The following DUSP16 variants were observed in gnomAD, a reference collection of about 807,000 sequenced individuals.
DUSP16 encodes dual specificity protein phosphatase 16.
A neutral mutation model predicts 58.3 loss-of-function variants in DUSP16; 21 were observed. That is an observed-to-expected ratio of 0.36 (90% CI 0.26 to 0.52). The LOEUF is 0.52. Among genes scored for constraint, DUSP16 ranks in the 20% least tolerant of loss-of-function variants. The pLI, the probability that DUSP16 is intolerant of heterozygous loss-of-function variation, is 0.94. For synonymous variants in DUSP16, 320 were observed against 323.8 expected (o/e 0.99, Z 0.12); for missense variants, 726 against 819.0 (o/e 0.89, Z 1.39).
chr12:12,540,956 T>C (rs1189583064), intron 1 of DUSP16, among the ~76,000 whole-genome samples: 1 of 101,712 alleles, frequency 9.8e-6, no homozygotes, highest in Non-Finnish European at 2.3e-5. Flanking sequence ...TTTCTTTTTT[T>C]TTTTTTTTTT....
intron 1 of DUSP16, among the ~76,000 whole-genome samples, chr12:12,542,104 C>T (rs1266039862): frequency 6.6e-6 from 1 of 152,102 alleles, no homozygotes; most frequent in Non-Finnish European, 1.5e-5. Context: ...AGGCTGGGTG[C>T]CGTGGCTCAC....
At chr12:12,541,112 T>C (rs941291164) in intron 1 of DUSP16, among the ~76,000 whole-genome samples, 2 of 151,800 alleles carry the variant, frequency 1.3e-5, no homozygotes, top group Non-Finnish European at 2.9e-5. Flanking sequence ...GTGCACACCA[T>C]CACGCCTGGC....
At chr12:12,522,268 G>A (rs1014525751) in intron 1 of DUSP16, among the ~76,000 whole-genome samples, 2 of 152,078 alleles carry the variant, frequency 1.3e-5, no homozygotes, top group Non-Finnish European at 2.9e-5. Context: ...TCATTCTTCA[G>A]AGAATCACTA....
chr12:12,527,165 A>T (rs1201989663), intron 1 of DUSP16, among the ~76,000 whole-genome samples: 2 of 152,228 alleles, frequency 1.3e-5, no homozygotes, highest in Admixed American at 6.5e-5. Context: ...TACTTTTATT[A>T]AACTACAAGC....
chr12:12,478,096 G>A (rs942221840), intron 6 of DUSP16, 81 bp from the exon 7 acceptor site: 6 of 1,246,364 alleles, frequency 4.8e-6, no homozygotes, highest in African/African-American at 3.0e-5. Context: ...AAATGAGATA[G>A]GGAATTATCA....
At chr12:12,505,509 T>C (rs1473503076) in intron 3 of DUSP16, among the ~76,000 whole-genome samples, 2 of 152,244 alleles carry the variant, frequency 1.3e-5, no homozygotes, top group African/African-American at 4.8e-5. Flanking sequence ...TGGTCACTGG[T>C]TTGTTCATGA....
chr12:12,512,716 T>C (rs924425615), intron 3 of DUSP16, among the ~76,000 whole-genome samples: 8 of 152,140 alleles, frequency 5.3e-5, no homozygotes, highest in African/African-American at 1.9e-4. Flanking sequence ...CTATTTTTAG[T>C]CTGTTTTCAG....
chr12:12,487,091 G>A lies in DUSP16; in HGVS notation c.628C>T (p.Pro210Ser). The A allele has an allele frequency of 6.2e-7, 1 of 1,614,132 alleles. No individual in the cohort carries two copies. The highest frequency in any genetic ancestry group is 8.5e-7 in the Non-Finnish European group (1 of 1,180,008). Residue 210 changes from proline (P) to serine (S), a missense_variant, in exon 5 of 7, where the codon CCT becomes TCT. By Grantham distance (74) the Pro-to-Ser change is moderately conservative. Coordinates refer to ENST00000298573, the MANE Select transcript of DUSP16 (RefSeq NM_030640.3). ...TTCTCACAAAAGCTGTCATTCACAG[G>A]CACACGCAGGAAATGAGACTCGGGG... Reference protein sequence around the residue: ...FIPESHFLRVPVNDSFCEKIL... With the variant: ...FIPESHFLRVSVNDSFCEKIL...
rs1031798303 is a variant in DUSP16 at position 12,562,784 on chromosome 12, C to T, written c.-1033G>A. Among the ~76,000 whole-genome samples the T allele has an allele frequency of 1.3e-5, 2 of 151,428 alleles. No individual in the cohort carries two copies. Among genetic ancestry groups the T allele is most frequent in the African/African-American group, 4.8e-5 (2 of 41,336 alleles). ...CTCGCCCATCCCGCGGCCGCCCGAG[C>T]CCGGAGCGCGGCTCCGCGCCTCGTT... is the stretch of plus-strand genomic sequence containing the variant. On this transcript the variant is annotated 5_prime_UTR_variant, in exon 1 of 7. Transcript: ENST00000298573.
rs757870510 is a variant in DUSP16, at chr12:12,476,774, G to T, written c.*59C>A. Reference sequence around the variant, plus strand: ...CATATATATATTTCAGATTTACAGGGAATTTTTTTGTGAACAAGAAAAAAA... The same window carrying T: ...CATATATATATTTCAGATTTACAGGTAATTTTTTTGTGAACAAGAAAAAAA... On this transcript the variant is annotated 3_prime_UTR_variant, in exon 7 of 7. Transcript: ENST00000298573. The T allele has an allele frequency of 8.9e-6, 13 of 1,458,898 alleles. No individual in the cohort carries two copies. The highest frequency in any genetic ancestry group is 1.2e-5 in the Non-Finnish European group (13 of 1,091,686). The allele number at this position is 1,458,898 out of a possible 1,614,324, so 90.4% of individuals were successfully genotyped here.
At chr12:12,532,066 G>A (rs1408621099) in intron 1 of DUSP16, among the ~76,000 whole-genome samples, 1 of 152,118 alleles carries the variant, frequency 6.6e-6, no homozygotes, top group Non-Finnish European at 1.5e-5. Flanking sequence ...GCTGAGGCAG[G>A]AGAATGGCGT....
chr12:12,555,326 G>A (rs557560758), intron 1 of DUSP16, among the ~76,000 whole-genome samples: 1 of 152,202 alleles, frequency 6.6e-6, no homozygotes, highest in Non-Finnish European at 1.5e-5. Context: ...CTTGCAAACT[G>A]CAACTCAAAG....
intron 1 of DUSP16, among the ~76,000 whole-genome samples, chr12:12,522,386 C>T (rs1458292824): frequency 6.6e-6 from 1 of 152,194 alleles, no homozygotes; most frequent in Non-Finnish European, 1.5e-5. Flanking sequence ...TCTTGCCAAA[C>T]TCCTTTAATC....
At chr12:12,493,587 G>A (rs12819116) in intron 4 of DUSP16, among the ~76,000 whole-genome samples, 46,022 of 151,952 alleles carry the variant, frequency 0.3, 7,577 homozygotes, top group Non-Finnish European at 0.35. Context: ...ATCTGCTCCT[G>A]TTACCTCTCT....
intron 4 of DUSP16, among the ~76,000 whole-genome samples, chr12:12,497,137 G>A (rs1024983601): frequency 1.9e-4 from 29 of 152,170 alleles, no homozygotes; most frequent in African/African-American, 7.0e-4. Context: ...TATACTGATT[G>A]CATGTTGAAA....
rs572843872 is a variant in DUSP16, at chr12:12,505,862, A to G, written c.368-5180T>C. On this transcript the variant is annotated intron_variant, in intron 3 of 6. Coordinates refer to ENST00000298573, the MANE Select transcript of DUSP16 (RefSeq NM_030640.3). ...CTTTTTCACAAATCTTTCTCAACTG[A>G]TATCTAGAACAAACTCAAACAAATA... Among the ~76,000 whole-genome samples the G allele has an allele frequency of 2.6e-5, 4 of 152,366 alleles. No individual in the cohort carries two copies. The South Asian group carries it at 6.2e-4, about 24-fold the overall frequency.
rs531947459 is a variant in DUSP16, at chr12:12,514,467, TTTAGTC to T, written c.367+5389_367+5394del. Among the ~76,000 whole-genome samples, 24 of 152,364 alleles carry T rather than the reference TTTAGTC, an allele frequency of 1.6e-4. No homozygotes were observed. In the South Asian group the frequency reaches 3.3e-3, roughly 21 times the overall value. On this transcript the variant is annotated intron_variant, in intron 3 of 6. Coordinates refer to ENST00000298573, the MANE Select transcript of DUSP16 (RefSeq NM_030640.3). ...TCCTGCTCTTTTCTGATCCTTTTTCTTTAGTCAATATCTAAAGTTTAGCAGTAACAC... is the reference window on the plus strand; with the variant it reads ...TCCTGCTCTTTTCTGATCCTTTTTCTAATATCTAAAGTTTAGCAGTAACAC...
chr12:12,482,646 AGAGAAGGTTT>A (rs999859336), intron 5 of DUSP16, among the ~76,000 whole-genome samples: 1 of 152,206 alleles, frequency 6.6e-6, no homozygotes, highest in African/African-American at 2.4e-5. Flanking sequence ...AAGAAACCAG[AGAGAAGGTTT>A]GAGAAGGTTT....
rs1324985876 is a variant in DUSP16 at position 12,560,507 on chromosome 12, ATT to A, written c.-366+1608_-366+1609del. On this transcript the variant is annotated intron_variant, in intron 1 of 6. Coordinates refer to ENST00000298573, the MANE Select transcript of DUSP16 (RefSeq NM_030640.3). ...AAAAAATTTTAATGCAACTTTCCAC[ATT>A]GTCTTCAAACTCAGTAAATTCCACA... Among the ~76,000 whole-genome samples the A allele has an allele frequency of 2.6e-5, 4 of 152,198 alleles. No individual in the cohort carries two copies. In the East Asian group the frequency reaches 7.7e-4, roughly 29 times the overall value.
Sources: allele counts gnomAD v4.1 joint callset (sites outside exome capture counted in the v4.1 genomes callset), GRCh38; gene constraint gnomAD v4.1.1; transcripts MANE v1.5; gene names NCBI Gene and HGNC (gene_info 2026-07-23, HGNC 2026-07-21).